RAPGEF1: variants seen among roughly 807,000 people sequenced by gnomAD.
RAPGEF1 encodes Rap guanine nucleotide exchange factor 1.
RAPGEF1 carries 33 observed loss-of-function variants against 143.3 expected under a neutral mutation model. The observed-to-expected ratio is 0.23, with a 90% CI of 0.17 to 0.31. The LOEUF (loss-of-function observed/expected upper bound fraction) is 0.31. Among genes scored for constraint, RAPGEF1 ranks in the 10% least tolerant of loss-of-function variants. RAPGEF1 has a pLI of 1.00. For missense variants in RAPGEF1, 1,199 were observed against 1,645.4 expected (o/e 0.73, Z 4.69); for synonymous variants, 629 against 676.5 (o/e 0.93, Z 1.09).
chr9:131,697,226 G>A (rs1252445554), intron 1 of RAPGEF1, among the ~76,000 whole-genome samples: 3 of 152,090 alleles, frequency 2.0e-5, no homozygotes, highest in Non-Finnish European at 2.9e-5. Flanking sequence ...TCAGCTGGCT[G>A]GGATCCCAAC....
chr9:131,679,628 C>G (rs1226292018), intron 1 of RAPGEF1, among the ~76,000 whole-genome samples: 4 of 152,236 alleles, frequency 2.6e-5, no homozygotes, highest in Non-Finnish European at 1.5e-5. Context: ...TTCTGTGGGT[C>G]AGGGGTCCGG....
chr9:131,703,477 C>A (rs1834820000), intron 1 of RAPGEF1, among the ~76,000 whole-genome samples: 1 of 152,166 alleles, frequency 6.6e-6, no homozygotes, highest in Non-Finnish European at 1.5e-5. Context: ...TGACTGCACG[C>A]CAGGCACTGT....
chr9:131,610,308 G>A (rs942227538), intron 12 of RAPGEF1, among the ~76,000 whole-genome samples: 1 of 151,824 alleles, frequency 6.6e-6, no homozygotes, highest in Admixed American at 6.6e-5. Flanking sequence ...CTGCTCATCA[G>A]CGGCTGAGGG....
In RAPGEF1 at chr9:131,629,267, G is replaced by A. The variant is rs759208963; in HGVS notation, c.741-13C>T. 1.6e-5 allele frequency: 25 copies of A among 1,611,570 alleles called. No individual in the cohort carries two copies. Among genetic ancestry groups the A allele is most frequent in the Middle Eastern group, 1.6e-4 (1 of 6,066 alleles). The stretch of plus-strand genomic sequence containing the variant: ...GAGCTCTGCTGGGCTGGAGAATTGG[G>A]AAGAACTTGGGGTTACAGAAGGTCA... On this transcript the variant is annotated splice_polypyrimidine_tract_variant and intron_variant, in intron 6 of 26. Coordinates refer to ENST00000683357, the MANE Select transcript of RAPGEF1 (RefSeq NM_001377935.1).
At chr9:131,678,171 A>C (rs2130895889) in intron 1 of RAPGEF1, among the ~76,000 whole-genome samples, 1 of 152,342 alleles carries the variant, frequency 6.6e-6, no homozygotes, top group Non-Finnish European at 1.5e-5. Context: ...TTTAAAAGCA[A>C]ACAGAGTCAG....
intron 3 of RAPGEF1, among the ~76,000 whole-genome samples, chr9:131,644,084 T>C (rs1436178661): frequency 6.6e-6 from 1 of 152,222 alleles, no homozygotes; most frequent in Non-Finnish European, 1.5e-5. Flanking sequence ...TCACGACTCA[T>C]GCAGTGGGCG....
chr9:131,613,162 G>C (rs1958308763), intron 12 of RAPGEF1, among the ~76,000 whole-genome samples: 1 of 152,230 alleles, frequency 6.6e-6, no homozygotes, highest in Non-Finnish European at 1.5e-5. Context: ...TAACAACCTT[G>C]TGCTCCCACT....
chr9:131,614,981 C>T (rs918938034), intron 12 of RAPGEF1, among the ~76,000 whole-genome samples: 1 of 152,216 alleles, frequency 6.6e-6, no homozygotes, highest in Non-Finnish European at 1.5e-5. Flanking sequence ...AGATTTCTAG[C>T]ACCCAAATAG....
intron 12 of RAPGEF1, among the ~76,000 whole-genome samples, chr9:131,606,583 GGAA>G (rs1957152608): frequency 6.6e-6 from 1 of 152,262 alleles, no homozygotes; most frequent in African/African-American, 2.4e-5. Flanking sequence ...ATGGAAAAGA[GGAA>G]GAAGAGGAAG....
chr9:131,639,437 A>AGTGTGTGT (rs3837234), intron 4 of RAPGEF1, among the ~76,000 whole-genome samples: 3,559 of 149,156 alleles, frequency 0.024, 143 homozygotes, highest in African/African-American at 0.082. Flanking sequence ...AACGCAGGTG[A>AGTGTGTGT]GTGTGTGTGT....
chr9:131,643,120 G>A (rs1343708512), intron 4 of RAPGEF1, 119 bp downstream of exon 4: 4 of 1,131,154 alleles, frequency 3.5e-6, no homozygotes, highest in Non-Finnish European at 4.9e-6. Context: ...AAGGATGAGG[G>A]GTGATGGAGT....
At chr9:131,708,744 T>TC (rs10669635) in intron 1 of RAPGEF1, among the ~76,000 whole-genome samples, 53 of 145,506 alleles carry the variant, frequency 3.6e-4, no homozygotes, top group African/African-American at 1.3e-3. Context: ...TTTCTTTCTT[T>TC]TTTTTTTGAG....
chr9:131,621,721 C>T lies in RAPGEF1; in HGVS notation c.1905+75G>A. On this transcript the variant is annotated intron_variant, in intron 11 of 26. Coordinates refer to ENST00000683357, the MANE Select transcript of RAPGEF1 (RefSeq NM_001377935.1). The surrounding 1 kb of genome is among the most constrained non-coding windows in gnomAD (Gnocchi z 4.5). ...GCAGGGAGGAGGGTTAACCCTGCCC[C>T]CAAGGAGGGTCATTCTGGTTCCTAG... 1 of 1,453,716 alleles carries T rather than the reference C, an allele frequency of 6.9e-7. No individual in the cohort carries two copies. Among genetic ancestry groups the T allele is most frequent in the Non-Finnish European group, 9.3e-7 (1 of 1,070,676 alleles). 90.1% of individuals were successfully genotyped at this position (1,453,716 alleles called of 1,614,324 possible).
intron 17 of RAPGEF1, among the ~76,000 whole-genome samples, chr9:131,593,443 G>C (rs1176960918): frequency 6.6e-6 from 1 of 152,228 alleles, no homozygotes; most frequent in East Asian, 1.9e-4. Context: ...GCCCAAGGAG[G>C]CTCCGCAGCT....
chr9:131,686,673 T>C (rs534992256), intron 1 of RAPGEF1, among the ~76,000 whole-genome samples: 10 of 152,340 alleles, frequency 6.6e-5, no homozygotes, highest in African/African-American at 2.4e-4. Context: ...CTCTCTGTGT[T>C]GTAGGTTACA....
At chr9:131,698,353 T>C (rs1452076163) in intron 1 of RAPGEF1, among the ~76,000 whole-genome samples, 1 of 152,192 alleles carries the variant, frequency 6.6e-6, no homozygotes, top group Non-Finnish European at 1.5e-5. Flanking sequence ...AGGTCCCAAT[T>C]CTGCCACTTA....
At chr9:131,698,601 G>GGCGGGTAGA (rs1834370151) in intron 1 of RAPGEF1, among the ~76,000 whole-genome samples, 1 of 152,372 alleles carries the variant, frequency 6.6e-6, no homozygotes, top group Admixed American at 6.5e-5. Flanking sequence ...CGGGTAGAAG[G>GGCGGGTAGA]AGGGGGCAGG....
chr9:131,581,404 A>G (rs931849700), intron 25 of RAPGEF1, among the ~76,000 whole-genome samples: 1 of 151,244 alleles, frequency 6.6e-6, no homozygotes, highest in African/African-American at 2.4e-5. Flanking sequence ...AAACAAAGAA[A>G]CTGGCTGGGT....
At chr9:131,733,775 G>C (rs928441329) in intron 1 of RAPGEF1, among the ~76,000 whole-genome samples, 5 of 152,168 alleles carry the variant, frequency 3.3e-5, no homozygotes, top group African/African-American at 1.2e-4. Flanking sequence ...GCTGGCCTGA[G>C]GTAAGACCCA....
Sources: gnomAD v4.1 joint callset for allele counts (sites outside exome capture counted in the v4.1 genomes callset) on GRCh38, gnomAD v4.1.1 for gene constraint, Gnocchi (gnomAD v3.1) non-coding constraint, MANE v1.5 for transcripts, NCBI Gene and HGNC (gene_info 2026-07-23, HGNC 2026-07-21) for gene names.